Variants in REDIC1 observed in about 807,000 individuals in gnomAD.
REDIC1 encodes the protein HEI10 Interacting Protein 1.
the REDIC1 span, among the ~76,000 whole-genome samples, chr12:39,843,913 CTTAAG>C: frequency 6.6e-6 from 1 of 151,992 alleles, no homozygotes; most frequent in Non-Finnish European, 1.5e-5. Flanking sequence ...TGGCACATGT[CTTAAG>C]TTATCAGTAT....
chr12:39,760,280 A>G, the REDIC1 span: 51 of 1,563,838 alleles, frequency 3.3e-5, no homozygotes, highest in Admixed American at 8.8e-5. Flanking sequence ...AGATACATGA[A>G]TATGAATATA....
the REDIC1 span, chr12:39,872,047 GA>G: frequency 2.8e-5 from 33 of 1,190,616 alleles, no homozygotes; most frequent in South Asian, 7.3e-4. Context: ...TATTCAATTT[GA>G]AAAAAATATA....
chr12:39,795,812 C>T, the REDIC1 span, among the ~76,000 whole-genome samples: 149,211 of 152,284 alleles, frequency 0.98, 73,110 homozygotes, highest in East Asian at 1. Flanking sequence ...CAAGCCATGG[C>T]TGAGGGAGGA....
chr12:39,747,133 A>G, the REDIC1 span, among the ~76,000 whole-genome samples: 1 of 152,256 alleles, frequency 6.6e-6, no homozygotes, highest in Non-Finnish European at 1.5e-5. Context: ...TCTCTGAGCT[A>G]AAGGAGGAAG....
the REDIC1 span, among the ~76,000 whole-genome samples, chr12:39,892,040 A>G: frequency 6.6e-6 from 1 of 152,224 alleles, no homozygotes; most frequent in Non-Finnish European, 1.5e-5. Context: ...TATAAAGAAG[A>G]GAAGATCTAT....
At chr12:39,805,506 C>T in the REDIC1 span, among the ~76,000 whole-genome samples, 1 of 46,954 alleles carries the variant, frequency 2.1e-5, no homozygotes, top group East Asian at 7.2e-4. Context: ...AGGTTAATGC[C>T]TCTGTTGGTT....
At chr12:39,809,251 T>C in the REDIC1 span, among the ~76,000 whole-genome samples, 2 of 152,222 alleles carry the variant, frequency 1.3e-5, no homozygotes, top group Non-Finnish European at 2.9e-5. Flanking sequence ...TTCTGGACTT[T>C]ATTCTGTTCC....
At chr12:39,709,571 C>G in the REDIC1 span, among the ~76,000 whole-genome samples, 37 of 151,218 alleles carry the variant, frequency 2.4e-4, no homozygotes, top group African/African-American at 8.7e-4. Flanking sequence ...ACTTATATAA[C>G]TAGTAGGTGA....
At chr12:39,683,706 T>C in the REDIC1 span, among the ~76,000 whole-genome samples, 3 of 151,760 alleles carry the variant, frequency 2.0e-5, no homozygotes, top group Non-Finnish European at 4.4e-5. Context: ...CTTATCTGAA[T>C]ATTAGTGTTG....
chr12:39,898,121 CT>C, the REDIC1 span, among the ~76,000 whole-genome samples: 1 of 152,120 alleles, frequency 6.6e-6, no homozygotes, highest in Non-Finnish European at 1.5e-5. Context: ...TTAAAGCCTT[CT>C]GGTGAACATA....
At chr12:39,745,220 GTCAGTGATTAGGCTTAGTTCCTAAA>G in the REDIC1 span, among the ~76,000 whole-genome samples, 1 of 152,184 alleles carries the variant, frequency 6.6e-6, no homozygotes. Context: ...TTGTCAGTAT[GTCAGTGATTAGGCTTAGTTCCTAAA>G]TCCATAACCA....
At chr12:39,682,586 A>G in the REDIC1 span, 2 of 1,481,922 alleles carry the variant, frequency 1.3e-6, no homozygotes, top group Non-Finnish European at 1.8e-6. Flanking sequence ...TTTTCTTGCT[A>G]AATATGTTTT....
the REDIC1 span, among the ~76,000 whole-genome samples, chr12:39,697,658 T>G: frequency 6.6e-6 from 1 of 152,222 alleles, no homozygotes; most frequent in Non-Finnish European, 1.5e-5. Flanking sequence ...TTTGCTCATT[T>G]TTTTATGCAA....
the REDIC1 span, among the ~76,000 whole-genome samples, chr12:39,831,336 G>A: frequency 6.6e-6 from 1 of 152,090 alleles, no homozygotes; most frequent in South Asian, 2.1e-4. Context: ...AGAGCAAAGG[G>A]CATTTCAGAG....
chr12:39,631,758 G>A, the REDIC1 span, among the ~76,000 whole-genome samples: 1 of 152,138 alleles, frequency 6.6e-6, no homozygotes, highest in East Asian at 1.9e-4. Context: ...ATTATGCAGA[G>A]TGTTGATTAA....
chr12:39,846,547 G>A, the REDIC1 span, among the ~76,000 whole-genome samples: 1 of 152,138 alleles, frequency 6.6e-6, no homozygotes, highest in African/African-American at 2.4e-5. Context: ...TGCCTTCCAG[G>A]CTCAAGTGTT....
chr12:39,798,662 C>A, the REDIC1 span, among the ~76,000 whole-genome samples: 15 of 152,156 alleles, frequency 9.9e-5, no homozygotes, highest in African/African-American at 3.4e-4. Context: ...TGGAACAGCC[C>A]GGGCTAGTGC....
chr12:39,712,999 ATATGTATATATACATGTGTATATACG>A, the REDIC1 span, among the ~76,000 whole-genome samples: 2 of 141,982 alleles, frequency 1.4e-5, no homozygotes, highest in Admixed American at 7.0e-5. Flanking sequence ...ATATACGTGT[ATATGTATATATACATGTGTATATACG>A]TGTATATGTA....
At chr12:39,646,325 A>T in the REDIC1 span, 1 of 1,060,574 alleles carries the variant, frequency 9.4e-7, no homozygotes, top group Non-Finnish European at 1.3e-6. Context: ...ATTTTTTATT[A>T]TAGAAACTGT....
Sources: allele counts gnomAD v4.1 joint callset (sites outside exome capture counted in the v4.1 genomes callset), GRCh38; gene constraint gnomAD v4.1.1; transcripts MANE v1.5; gene names NCBI Gene and HGNC (gene_info 2026-07-23, HGNC 2026-07-21).